Variants in DENND5A observed in about 807,000 individuals in gnomAD.
The protein encoded by DENND5A is DENN domain containing 5A.
In DENND5A, 64 loss-of-function variants were observed where a neutral mutation model predicts 140.3. That is an observed-to-expected ratio of 0.46 (90% confidence interval 0.37 to 0.56). The LOEUF (loss-of-function observed/expected upper bound fraction) is 0.56, where lower values mean the gene tolerates loss of function less well. Ranked by LOEUF, DENND5A falls within the 20% of genes least tolerant of loss-of-function variation. The pLI is 0.00. For missense variants in DENND5A, 1,292 were observed against 1,593.8 expected (o/e 0.81, Z 3.22); for synonymous variants, 605 against 607.7 (o/e 1.00, Z 0.07).
chr11:9,199,928 C>T (rs1360752300), intron 4 of DENND5A, among the ~76,000 whole-genome samples: 19 of 152,240 alleles, frequency 1.2e-4, no homozygotes, highest in Non-Finnish European at 2.5e-4. Context: ...ATCCACTCCA[C>T]TGTGGCCTCA....
At chr11:9,242,595 T>A (rs1319664454) in intron 1 of DENND5A, 1 of 152,200 alleles carries the variant, frequency 6.6e-6, no homozygotes, top group Admixed American at 6.6e-5. Flanking sequence ...ATTCAAACTC[T>A]CTGCACTTTA....
chr11:9,161,945 A>G (rs1564888948), intron 11 of DENND5A, among the ~76,000 whole-genome samples: 1 of 151,064 alleles, frequency 6.6e-6, no homozygotes, highest in African/African-American at 2.4e-5. Flanking sequence ...ATATATATAT[A>G]TTGTCCAAAA....
At chr11:9,176,847 G>A (rs1848559917) in intron 8 of DENND5A, 1 of 455,932 alleles carries the variant, frequency 2.2e-6, no homozygotes, top group Non-Finnish European at 4.4e-6. Flanking sequence ...CCAGTTCAAT[G>A]TTCACTTTCA....
chr11:9,177,235 C>G (rs1285258482), intron 8 of DENND5A, among the ~76,000 whole-genome samples: 2 of 137,972 alleles, frequency 1.4e-5, no homozygotes, highest in Non-Finnish European at 3.0e-5. Context: ...GCCTAGGCAA[C>G]TGAGTGAGAC....
Position 9,180,891 on chromosome 11 carries a change from A to G in DENND5A, c.1331T>C (p.Val444Ala). Reference sequence around the variant, plus strand: ...AATGTTCCCATTCCTCTTGTCCGAGACAAGCTCAGAGGCCCGCAGCCTCTT... The same window carrying G: ...AATGTTCCCATTCCTCTTGTCCGAGGCAAGCTCAGAGGCCCGCAGCCTCTT... ...KLKRLRASEL[V>A]SDKRNGNIAG... Residue 444 changes from valine (V) to alanine (A), a missense_variant, in exon 6 of 23, where the codon GTC (valine) becomes GCC (alanine). By Grantham distance (64) the Val-to-Ala change is moderately conservative. Transcript: ENST00000328194. 6.2e-7 allele frequency: 1 copy of G among 1,614,210 alleles called. No homozygotes were observed.
At chr11:9,213,000 G>GGT (rs1289869414) in intron 1 of DENND5A, among the ~76,000 whole-genome samples, 2 of 94,246 alleles carry the variant, frequency 2.1e-5, no homozygotes, top group Non-Finnish European at 4.1e-5. Context: ...TCCTGGTTCT[G>GGT]ATTTTTTTTT....
intron 1 of DENND5A, 53 bp from the exon 2 acceptor site, chr11:9,207,685 C>T (rs1315311441): frequency 3.0e-5 from 38 of 1,268,158 alleles, no homozygotes; most frequent in Non-Finnish European, 4.2e-5. Context: ...GTTATTCAAA[C>T]TTTTTTGACC....
At chr11:9,260,962 C>G (rs1006419533) in intron 1 of DENND5A, among the ~76,000 whole-genome samples, 1 of 152,148 alleles carries the variant, frequency 6.6e-6, no homozygotes, top group African/African-American at 2.4e-5. Flanking sequence ...GACCTTCTCA[C>G]CTCAGCTTCC....
chr11:9,243,130 G>C (rs973556996), intron 1 of DENND5A, among the ~76,000 whole-genome samples: 6 of 140,482 alleles, frequency 4.3e-5, no homozygotes, highest in African/African-American at 1.3e-4. Flanking sequence ...AGGCGAGTAA[G>C]GCTAATTGGA....
In DENND5A at chr11:9,180,664, T is replaced by C. The variant is rs1003556886; in HGVS notation, c.1455+103A>G. 60 of 1,113,736 alleles carry C rather than the reference T, an allele frequency of 5.4e-5. 1 individual carries two copies. The East Asian group carries it at 1.3e-3, about 24-fold the overall frequency. The allele number at this position is 1,113,736 out of a possible 1,614,324, so 69.0% of individuals were successfully genotyped here. On this transcript the variant is annotated intron_variant, in intron 6 of 22. Coordinates refer to ENST00000328194, the MANE Select transcript of DENND5A (RefSeq NM_015213.4). ...AACATTCTTTCACTGCTCACAAATATGAGTTGTCCAGAACTGGGTGCTTTC... is the reference window on the plus strand; with the variant it reads ...AACATTCTTTCACTGCTCACAAATACGAGTTGTCCAGAACTGGGTGCTTTC...
intron 1 of DENND5A, among the ~76,000 whole-genome samples, chr11:9,223,285 T>C (rs1850391636): frequency 6.6e-6 from 1 of 152,064 alleles, no homozygotes; most frequent in Non-Finnish European, 1.5e-5. Flanking sequence ...CCCAGCACTT[T>C]GGGAGGCTGA....
At chr11:9,241,113 T>C (rs772461829) in intron 1 of DENND5A, among the ~76,000 whole-genome samples, 7 of 152,122 alleles carry the variant, frequency 4.6e-5, no homozygotes, top group Non-Finnish European at 8.8e-5. Context: ...AACTAGAAAG[T>C]GAGGAAGCCA....
intron 1 of DENND5A, among the ~76,000 whole-genome samples, chr11:9,223,610 T>C (rs770414958): frequency 1.3e-4 from 19 of 151,838 alleles, no homozygotes; most frequent in Non-Finnish European, 2.2e-4. Context: ...TCCCAGCTAC[T>C]TGGGAGGCTG....
intron 5 of DENND5A, among the ~76,000 whole-genome samples, chr11:9,184,654 A>C (rs1320694893): frequency 6.6e-6 from 1 of 152,178 alleles, no homozygotes; most frequent in Non-Finnish European, 1.5e-5. Flanking sequence ...ATGAGCATAA[A>C]ATGGCACTGC....
intron 11 of DENND5A, among the ~76,000 whole-genome samples, chr11:9,164,197 T>A (rs1175779819): frequency 8.2e-3 from 60 of 7,322 alleles, no homozygotes; most frequent in African/African-American, 0.053. Context: ...ACGCCTAATT[T>A]TTTTTTTTTT....
At chr11:9,147,574 C>T (rs562876207) in intron 15 of DENND5A, among the ~76,000 whole-genome samples, 2 of 152,098 alleles carry the variant, frequency 1.3e-5, no homozygotes, top group South Asian at 2.1e-4. Context: ...GGCCTAGTTT[C>T]GAACCCTGAG....
intron 18 of DENND5A, 141 bp from the exon 19 acceptor site, chr11:9,144,419 G>A: frequency 1.2e-6 from 1 of 836,630 alleles, no homozygotes; most frequent in Non-Finnish European, 1.9e-6. Flanking sequence ...GTTCCACCAT[G>A]TATCATCAGA....
At chr11:9,231,373 G>T (rs538622614) in intron 1 of DENND5A, among the ~76,000 whole-genome samples, 1 of 152,104 alleles carries the variant, frequency 6.6e-6, no homozygotes, top group South Asian at 2.1e-4. Flanking sequence ...ACTTATAAGG[G>T]ACCACCCAGC....
At chr11:9,231,004 A>C (rs1007718861) in intron 1 of DENND5A, among the ~76,000 whole-genome samples, 4 of 152,124 alleles carry the variant, frequency 2.6e-5, no homozygotes, top group African/African-American at 7.2e-5. Flanking sequence ...AACAAACAAA[A>C]AAAACCCAAA....
Sources: gnomAD v4.1 joint callset for allele counts (sites outside exome capture counted in the v4.1 genomes callset) on GRCh38, gnomAD v4.1.1 for gene constraint, MANE v1.5 for transcripts, NCBI Gene and HGNC (gene_info 2026-07-23, HGNC 2026-07-21) for gene names.